Variants in SRPX2 observed in about 807,000 individuals in gnomAD.
The protein encoded by SRPX2 is sushi repeat containing protein X-linked 2.
Under a neutral mutation model 45.3 loss-of-function variants are expected in SRPX2, and 26 were observed. The observed-to-expected ratio is 0.57, with a 90% CI of 0.42 to 0.80. The LOEUF (loss-of-function observed/expected upper bound fraction) is 0.80. SRPX2 is among the 30% of genes least tolerant of loss of function. SRPX2 has a pLI of 0.00. For synonymous variants in SRPX2, 125 were observed against 143.7 expected (o/e 0.87, Z 0.93); for missense variants, 355 against 399.8 (o/e 0.89, Z 0.95).
rs2083233527 is a variant in SRPX2, at chrX:100,672,848, T to C, written c.*1861T>C. 1 of 111,453 alleles carries C rather than the reference T, an allele frequency of 9.0e-6. No individual in the cohort carries two copies. Among genetic ancestry groups the C allele is most frequent in the Non-Finnish European group, 1.9e-5 (1 of 53,063 alleles). The allele number at this position is 111,453 out of a possible 1,213,427, so 9.2% of individuals were successfully genotyped here. A position where few individuals can be genotyped will look rare whatever the true frequency, so the allele number is the denominator to read the frequency against. ...ACATAAATCATGAGCCCAGAACAAA[T>C]TGGGGGAGCAGTGAGTCAGAGAGAA... On this transcript the variant is annotated 3_prime_UTR_variant, in exon 11 of 11. Transcript: ENST00000373004.
At chrX:100,653,397 C>A (rs2083159648) in intron 3 of SRPX2, among the ~76,000 whole-genome samples, 1 of 111,246 alleles carries the variant, frequency 9.0e-6, no homozygotes, top group Non-Finnish European at 1.9e-5. Flanking sequence ...TCACTTCCTG[C>A]CAGTCAGTCA....
chrX:100,662,403 G>C, intron 4 of SRPX2, 36 bp downstream of exon 4: 1 of 1,203,422 alleles, frequency 8.3e-7, no homozygotes, highest in Non-Finnish European at 1.1e-6. Context: ...ATGTATGTAT[G>C]CGAGAGAAGC....
chrX:100,669,411 T>TGAGGGGGGGG, intron 10 of SRPX2, 42 bp downstream of exon 10: 1 of 16,855 alleles, frequency 5.9e-5, no homozygotes, highest in Non-Finnish European at 1.2e-4. Context: ...GAGGGGGGGC[T>TGAGGGGGGGG]GGGGCGGGGG....
intron 10 of SRPX2, among the ~76,000 whole-genome samples, chrX:100,670,240 T>C (rs1297009895): frequency 1.8e-5 from 2 of 111,387 alleles, no homozygotes; most frequent in Admixed American, 1.9e-4. Context: ...CCATCACTGC[T>C]CTGTTTTAGA....
intron 2 of SRPX2, among the ~76,000 whole-genome samples, chrX:100,648,443 C>G (rs139825134): frequency 9.3e-4 from 104 of 111,688 alleles, no homozygotes; most frequent in Non-Finnish European, 1.6e-3. Flanking sequence ...GGAATGCTCC[C>G]CAAGTCCTTC....
rs201768337 is a variant in SRPX2 at position 100,669,404 on chromosome X, G to A, written c.1217+35G>A. ...GGGAGGCTGCCAAACTTGGGGGGAG[G>A]GGGGGCTGGGGCGGGGGGAGAAACC... On this transcript the variant is annotated intron_variant, in intron 10 of 10. Transcript: ENST00000373004. 1.4e-5 allele frequency: 11 copies of A among 775,053 alleles called. No homozygotes were observed. The South Asian group carries it at 2.3e-4, about 16-fold the overall frequency. The allele number at this position is 775,053 out of a possible 1,213,427, so 63.9% of individuals were successfully genotyped here. A position where few individuals can be genotyped will look rare whatever the true frequency, so the allele number is the denominator to read the frequency against.
intron 1 of SRPX2, among the ~76,000 whole-genome samples, chrX:100,644,920 A>G (rs1191415274): frequency 9.0e-6 from 1 of 111,044 alleles, no homozygotes. Flanking sequence ...CCTCTCTTTA[A>G]TCTCCTCTTT....
intron 10 of SRPX2, 47 bp downstream of exon 10, chrX:100,669,416 C>CGGGGGGGGGGGGGGGGGG: frequency 9.6e-6 from 1 of 104,449 alleles, no homozygotes; most frequent in South Asian, 1.6e-4. Context: ...GGGGCTGGGG[C>CGGGGGGGGGGGGGGGGGG]GGGGGGAGAA....
At chrX:100,656,591 T>G (rs182113263) in intron 3 of SRPX2, among the ~76,000 whole-genome samples, 4 of 112,075 alleles carry the variant, frequency 3.6e-5, no homozygotes, top group Middle Eastern at 9.3e-3. Context: ...GTGCCTGGCT[T>G]ATTTTGCTTA....
At position 100,666,794 on chromosome X, in the gene SRPX2, C is replaced by T. The variant is rs897209309; in HGVS notation, c.822C>T (p.Tyr274=). Residue 274 remains tyrosine, a synonymous_variant, in exon 8 of 11, where the codon TAC becomes TAT. Transcript: ENST00000373004. Reference sequence around the variant, plus strand: ...CTCTGAAACCTCCGCAGCACGGCTACCTCACCTGCACCTCAGCGGGGGACA... The same window carrying T: ...CTCTGAAACCTCCGCAGCACGGCTATCTCACCTGCACCTCAGCGGGGGACA... ...CPTLKPPQHG[Y]LTCTSAGDNY... 1 of 1,212,338 alleles carries T rather than the reference C, an allele frequency of 8.2e-7. No individual in the cohort carries two copies. The highest frequency in any genetic ancestry group is 1.8e-5 in the South Asian group (1 of 57,019).
At position 100,662,375 on chromosome X, in the gene SRPX2, G is replaced by A. The variant is rs772952088; in HGVS notation, c.355+8G>A. On this transcript the variant is annotated splice_region_variant and intron_variant, in intron 4 of 10. Transcript: ENST00000373004. ...GAACTGCCTACTGCAGGCGTAAGTT[G>A]TGTGTGTGCATATGCTGATGTATGT... The A allele has an allele frequency of 2.8e-5, 34 of 1,209,622 alleles. No individual in the cohort carries two copies. In the South Asian group the frequency reaches 5.5e-4, roughly 19 times the overall value.
chrX:100,668,977 T>C (rs2083213765), intron 9 of SRPX2, among the ~76,000 whole-genome samples: 1 of 112,313 alleles, frequency 8.9e-6, no homozygotes, highest in Non-Finnish European at 1.9e-5. Context: ...TAAATGATTA[T>C]GTTCCTGCAA....
chrX:100,662,487 A>T, intron 4 of SRPX2, 120 bp downstream of exon 4: 2 of 831,877 alleles, frequency 2.4e-6, no homozygotes, highest in Non-Finnish European at 1.8e-6. Flanking sequence ...CAAATTGAGA[A>T]TATTCCATAA....
Position 100,672,448 on chromosome X carries a change from C to T in SRPX2, c.*1461C>T, listed in dbSNP as rs1425285851. The T allele has an allele frequency of 8.9e-6, 1 of 112,306 alleles. No individual in the cohort carries two copies. The highest frequency in any genetic ancestry group is 3.2e-5 in the African/African-American group (1 of 30,789). The allele number at this position is 112,306 out of a possible 1,213,427, so 9.3% of individuals were successfully genotyped here. ...CTGTTCTAAACACTCTACTGATTGA[C>T]TCCGAAGCCTTCACAAGAACCCTAT... On this transcript the variant is annotated 3_prime_UTR_variant, in exon 11 of 11. Coordinates refer to ENST00000373004, the MANE Select transcript of SRPX2 (RefSeq NM_014467.3).
At chrX:100,667,056 T>C (rs2083207024) in intron 8 of SRPX2, 123 bp downstream of exon 8, 3 of 1,033,518 alleles carry the variant, frequency 2.9e-6, no homozygotes, top group South Asian at 2.0e-5. Context: ...TTCTGGGATG[T>C]GTCTAATTTA....
chrX:100,669,273 G>C lies in SRPX2; in HGVS notation c.1121G>C (p.Arg374Pro), dbSNP rs777894011. 1 of 1,210,626 alleles carries C rather than the reference G, an allele frequency of 8.3e-7. No individual in the cohort carries two copies. Among genetic ancestry groups the C allele is most frequent in the South Asian group, 1.8e-5 (1 of 56,881 alleles). Reference sequence around the variant, plus strand: ...CAATCCACCTGTGGACTGGATTTGCGGCATGTGACCATCATTGAACTGGTG... The same window carrying C: ...CAATCCACCTGTGGACTGGATTTGCCGCATGTGACCATCATTGAACTGGTG... ...LQQSTCGLDLRHVTIIELVGQ... is the reference protein window; with the variant it reads ...LQQSTCGLDLPHVTIIELVGQ... Residue 374 changes from arginine (R) to proline (P), a missense_variant, in exon 10 of 11, where the codon CGG becomes CCG. Arg to Pro is a moderately radical substitution (Grantham distance 103, BLOSUM62 -2). Coordinates refer to ENST00000373004, the MANE Select transcript of SRPX2 (RefSeq NM_014467.3).
At position 100,665,641 on chromosome X, in the gene SRPX2, C is replaced by A; in HGVS notation, c.765C>A (p.Phe255Leu). ...CCTACAACCGGGCCAGCTGCAAGTT[C>A]ATTGTGAAAGTACAAGGTCAGAAAG... Reference protein sequence around the residue: ...DRAYNRASCKFIVKVQVRRCP... With the variant: ...DRAYNRASCKLIVKVQVRRCP... Residue 255 changes from phenylalanine (F) to leucine (L), a missense_variant, in exon 7 of 11, where the codon TTC becomes TTA. Phe to Leu is a conservative substitution (Grantham distance 22, BLOSUM62 0). Transcript: ENST00000373004. 8.3e-7 allele frequency: 1 copy of A among 1,211,962 alleles called. No individual in the cohort carries two copies. The highest frequency in any genetic ancestry group is 1.1e-6 in the Non-Finnish European group (1 of 895,588).
At chrX:100,666,506 C>T (rs1352505761) in intron 7 of SRPX2, among the ~76,000 whole-genome samples, 2 of 112,537 alleles carry the variant, frequency 1.8e-5, no homozygotes, top group Non-Finnish European at 3.7e-5. Context: ...TAAAGATTGT[C>T]AGTCTTTTGA....
intron 2 of SRPX2, among the ~76,000 whole-genome samples, chrX:100,648,501 T>A (rs1204343469): frequency 9.0e-6 from 1 of 111,428 alleles, no homozygotes; most frequent in Non-Finnish European, 1.9e-5. Flanking sequence ...TAGGAAATGT[T>A]CCCCTTTAAT....
Sources: allele counts gnomAD v4.1 joint callset (sites outside exome capture counted in the v4.1 genomes callset), GRCh38; gene constraint gnomAD v4.1.1; transcripts MANE v1.5; gene names NCBI Gene and HGNC (gene_info 2026-07-23, HGNC 2026-07-21).